HS6ST3: variants seen among roughly 807,000 people sequenced by gnomAD.
HS6ST3 encodes heparan-sulfate 6-O-sulfotransferase 3.
A neutral mutation model predicts 36.7 loss-of-function variants in HS6ST3; 12 were observed. That is an observed-to-expected ratio of 0.33 (90% CI 0.21 to 0.53). HS6ST3 has a LOEUF of 0.53. HS6ST3 is among the 20% of genes least tolerant of loss of function. HS6ST3 has a pLI of 0.95. For synonymous variants in HS6ST3, 240 were observed against 257.5 expected (o/e 0.93, Z 0.65); for missense variants, 584 against 640.9 (o/e 0.91, Z 0.96).
intron 1 of HS6ST3, among the ~76,000 whole-genome samples, chr13:96,472,768 A>G (rs1385040899): frequency 1.3e-5 from 2 of 152,188 alleles, no homozygotes; most frequent in Non-Finnish European, 2.9e-5. Context: ...GAGAAGATGA[A>G]AAGATGAGAG....
At chr13:96,671,725 C>T (rs888548221) in intron 1 of HS6ST3, among the ~76,000 whole-genome samples, 1 of 151,914 alleles carries the variant, frequency 6.6e-6, no homozygotes, top group Non-Finnish European at 1.5e-5. Context: ...TATAAGGACA[C>T]TAGTTATATT....
chr13:96,096,210 A>G (rs519826), intron 1 of HS6ST3, among the ~76,000 whole-genome samples: 147,785 of 152,250 alleles, frequency 0.97, 71,889 homozygotes, highest in East Asian at 1. Context: ...GGAATGAGAT[A>G]TGGAAGGTGA....
At chr13:96,473,104 C>T (rs1386688466) in intron 1 of HS6ST3, among the ~76,000 whole-genome samples, 6 of 152,196 alleles carry the variant, frequency 3.9e-5, no homozygotes, top group African/African-American at 9.6e-5. Flanking sequence ...TATTTCAAGG[C>T]TACTACCTTG....
intron 1 of HS6ST3, among the ~76,000 whole-genome samples, chr13:96,623,530 T>C (rs2056502143): frequency 6.6e-6 from 1 of 152,130 alleles, no homozygotes; most frequent in Non-Finnish European, 1.5e-5. Flanking sequence ...TAGCCAGTCT[T>C]GTTCACGTTC....
intron 1 of HS6ST3, among the ~76,000 whole-genome samples, chr13:96,526,684 G>A (rs1042863182): frequency 2.6e-5 from 4 of 152,094 alleles, no homozygotes; most frequent in Non-Finnish European, 5.9e-5. Context: ...TTATTTAGTT[G>A]CTTCTGATAA....
chr13:96,830,895 T>C (rs1472331558), intron 1 of HS6ST3, among the ~76,000 whole-genome samples: 1 of 152,194 alleles, frequency 6.6e-6, no homozygotes, highest in Non-Finnish European at 1.5e-5. Context: ...TCAGACTGGC[T>C]TGTGCTAAAG....
chr13:96,269,043 A>G (rs2054706855), intron 1 of HS6ST3, among the ~76,000 whole-genome samples: 1 of 151,936 alleles, frequency 6.6e-6, no homozygotes, highest in Non-Finnish European at 1.5e-5. Context: ...CTGTTATTAT[A>G]TTGTACTGTT....
At chr13:96,549,513 T>C (rs1277287632) in intron 1 of HS6ST3, among the ~76,000 whole-genome samples, 3 of 152,218 alleles carry the variant, frequency 2.0e-5, no homozygotes, top group Non-Finnish European at 4.4e-5. Flanking sequence ...ATTGTTTTTC[T>C]AGAAGTAATC....
At chr13:96,382,723 A>G (rs2055347455) in intron 1 of HS6ST3, among the ~76,000 whole-genome samples, 1 of 152,196 alleles carries the variant, frequency 6.6e-6, no homozygotes, top group Non-Finnish European at 1.5e-5. Flanking sequence ...TAGGGAGTAG[A>G]TACCAGTTAA....
intron 1 of HS6ST3, among the ~76,000 whole-genome samples, chr13:96,241,786 C>CTTTT (rs1235986148): frequency 1.5e-5 from 2 of 131,422 alleles, no homozygotes; most frequent in African/African-American, 2.8e-5. Flanking sequence ...TTTTTTCTTT[C>CTTTT]TTTTTTTTTT....
rs186158999 is a variant in HS6ST3 at position 96,579,476 on chromosome 13, T to G, written c.708-253014T>G. On this transcript the variant is annotated intron_variant, in intron 1 of 1. Coordinates refer to ENST00000376705, the MANE Select transcript of HS6ST3 (RefSeq NM_153456.4). The stretch of plus-strand genomic sequence containing the variant: ...AAATCATAATGGACTAAAAAAAAAC[T>G]TTTTAGATCCTGTAGGACTGTGAAG... 1.2e-3 allele frequency among the ~76,000 whole-genome samples: 185 copies of G among 152,132 alleles called. 1 individual carries two copies. The highest frequency in any genetic ancestry group is 4.2e-3 in the African/African-American group (174 of 41,502).
At chr13:96,379,073 C>G (rs2055328256) in intron 1 of HS6ST3, among the ~76,000 whole-genome samples, 1 of 152,096 alleles carries the variant, frequency 6.6e-6, no homozygotes, top group East Asian at 1.9e-4. Flanking sequence ...TTTTAACCAT[C>G]CTCTTTCCAT....
At chr13:96,303,300 C>CA (rs1270375719) in intron 1 of HS6ST3, among the ~76,000 whole-genome samples, 10 of 152,150 alleles carry the variant, frequency 6.6e-5, no homozygotes, top group Admixed American at 3.3e-4. Context: ...GCTGAAGAAT[C>CA]AGAGAAGCTT....
chr13:96,238,632 T>C (rs2054546068), intron 1 of HS6ST3, among the ~76,000 whole-genome samples: 1 of 152,234 alleles, frequency 6.6e-6, no homozygotes, highest in Non-Finnish European at 1.5e-5. Flanking sequence ...TAGTTTTCTT[T>C]ACAAGACTCA....
intron 1 of HS6ST3, among the ~76,000 whole-genome samples, chr13:96,673,647 T>C (rs1333371698): frequency 2.0e-5 from 3 of 152,152 alleles, no homozygotes; most frequent in African/African-American, 7.2e-5. Flanking sequence ...TTCTCCTAGG[T>C]GGATTCCCTA....
At chr13:96,668,147 G>GTC (rs1002308146) in intron 1 of HS6ST3, among the ~76,000 whole-genome samples, 12 of 151,288 alleles carry the variant, frequency 7.9e-5, no homozygotes, top group South Asian at 2.1e-4. Context: ...GCACAGAGAG[G>GTC]TCTCTCTCTC....
chr13:96,786,629 A>G (rs13378296), intron 1 of HS6ST3, among the ~76,000 whole-genome samples: 8,870 of 152,262 alleles, frequency 0.058, 873 homozygotes, highest in African/African-American at 0.2. Context: ...CTGTATAGGC[A>G]AAACGCATTT....
intron 1 of HS6ST3, among the ~76,000 whole-genome samples, chr13:96,157,428 T>C (rs2054115556): frequency 6.6e-6 from 1 of 152,174 alleles, no homozygotes; most frequent in Non-Finnish European, 1.5e-5. Context: ...GGAAGAGATA[T>C]TTCTGTTGGT....
intron 1 of HS6ST3, among the ~76,000 whole-genome samples, chr13:96,694,564 G>A (rs1347121323): frequency 6.6e-6 from 1 of 152,094 alleles, no homozygotes; most frequent in Non-Finnish European, 1.5e-5. Flanking sequence ...CCAGTAATGG[G>A]ATTGCTGGTT....
Sources: allele counts gnomAD v4.1 joint callset (sites outside exome capture counted in the v4.1 genomes callset), GRCh38; gene constraint gnomAD v4.1.1; transcripts MANE v1.5; gene names NCBI Gene and HGNC (gene_info 2026-07-23, HGNC 2026-07-21).